OXR1: variants seen among roughly 807,000 people sequenced by gnomAD.
OXR1 encodes oxidation resistance 1.
Under a neutral mutation model 104.6 loss-of-function variants are expected in OXR1, and 41 were observed. The ratio of observed to expected loss-of-function variants is 0.39; its 90% CI spans 0.31 to 0.51. The LOEUF (loss-of-function observed/expected upper bound fraction) is 0.51. Ranked by LOEUF, OXR1 falls within the 20% of genes least tolerant of loss-of-function variation. The pLI, the probability that OXR1 is intolerant of heterozygous loss-of-function variation, is 0.77. For synonymous variants in OXR1, 348 were observed against 348.4 expected (o/e 1.00, Z 0.01); for missense variants, 955 against 1,031.9 (o/e 0.93, Z 1.02).
At chr8:106,548,030 T>G (rs1366235627) in intron 3 of OXR1, among the ~76,000 whole-genome samples, 1 of 152,174 alleles carries the variant, frequency 6.6e-6, no homozygotes, top group Non-Finnish European at 1.5e-5. Flanking sequence ...TATTTTTAAT[T>G]TTTTGAGGAG....
intron 2 of OXR1, among the ~76,000 whole-genome samples, chr8:106,425,875 G>C (rs1168934710): frequency 6.6e-6 from 1 of 152,168 alleles, no homozygotes; most frequent in East Asian, 1.9e-4. Context: ...GTTACTTTAG[G>C]AGGCTAGGGA....
chr8:106,438,121 A>G (rs1411114233), intron 2 of OXR1, among the ~76,000 whole-genome samples: 1 of 152,170 alleles, frequency 6.6e-6, no homozygotes, highest in Non-Finnish European at 1.5e-5. Flanking sequence ...TCACACGTAC[A>G]TTGTAATATG....
intron 16 of OXR1, among the ~76,000 whole-genome samples, chr8:106,749,864 A>G (rs1835729162): frequency 1.3e-5 from 2 of 152,120 alleles, no homozygotes; most frequent in Non-Finnish European, 2.9e-5. Flanking sequence ...TCGGTTATGT[A>G]TTAGATAATT....
intron 1 of OXR1, among the ~76,000 whole-genome samples, chr8:106,342,868 C>T (rs2130276265): frequency 6.6e-6 from 1 of 152,242 alleles, no homozygotes; most frequent in Non-Finnish European, 1.5e-5. Flanking sequence ...TGTAGTCCCT[C>T]ACCTTCCCTT....
intron 2 of OXR1, among the ~76,000 whole-genome samples, chr8:106,451,414 T>C (rs1820308486): frequency 6.6e-6 from 1 of 152,246 alleles, no homozygotes; most frequent in Non-Finnish European, 1.5e-5. Context: ...TAGTTTTCAT[T>C]CTTATACATG....
chr8:106,372,458 A>G (rs532711399), intron 2 of OXR1, among the ~76,000 whole-genome samples: 1 of 151,588 alleles, frequency 6.6e-6, no homozygotes, highest in African/African-American at 2.4e-5. Flanking sequence ...CTAGTCAGCC[A>G]TCTTGGCCTC....
chr8:106,623,822 G>C (rs1329058479), intron 3 of OXR1, among the ~76,000 whole-genome samples: 1 of 152,216 alleles, frequency 6.6e-6, no homozygotes, highest in Admixed American at 6.5e-5. Flanking sequence ...TTGAAAGGCT[G>C]TGTTGAATTT....
At chr8:106,368,900 A>C (rs7009590) in intron 2 of OXR1, among the ~76,000 whole-genome samples, 24,164 of 152,056 alleles carry the variant, frequency 0.16, 4,079 homozygotes, top group African/African-American at 0.43. Context: ...GATTTATATT[A>C]CTTTGGGTAT....
At position 106,710,626 on chromosome 8, in the gene OXR1, T is replaced by G; in HGVS notation, c.1629T>G (p.Ser543=). The change falls in exon 10 of 17, where the codon TCT becomes TCG. Residue 543 remains serine (S), a synonymous_variant. Coordinates refer to ENST00000517566, the MANE Select transcript of OXR1 (RefSeq NM_001198533.2). ...CTGTTTGCATCTCAATTCTAGGTTC[T>G]GCACTTTTAAAAGAAAAGCAAAGGC... ...ITSADGHIES[S]ALLKEKQRHR... is the part of the protein sequence containing the mutation. 6.3e-7 allele frequency: 1 copy of G among 1,585,016 alleles called. No individual in the cohort carries two copies. The highest frequency in any genetic ancestry group is 1.4e-5 in the African/African-American group (1 of 73,590).
At chr8:106,468,046 G>A (rs1263949582) in intron 2 of OXR1, among the ~76,000 whole-genome samples, 3 of 151,736 alleles carry the variant, frequency 2.0e-5, no homozygotes, top group East Asian at 1.9e-4. Flanking sequence ...AGTCTGTGGT[G>A]GTAATGATTA....
At chr8:106,653,948 A>C (rs1259544127) in intron 3 of OXR1, among the ~76,000 whole-genome samples, 1 of 152,054 alleles carries the variant, frequency 6.6e-6, no homozygotes, top group African/African-American at 2.4e-5. Context: ...TAGCAATGGC[A>C]ATCTAAAAAA....
At chr8:106,498,463 T>A (rs1010777550) in intron 2 of OXR1, among the ~76,000 whole-genome samples, 2 of 152,242 alleles carry the variant, frequency 1.3e-5, no homozygotes, top group African/African-American at 4.8e-5. Flanking sequence ...TGAGACAATT[T>A]GCAGCCCACA....
chr8:106,566,003 C>T (rs1447676171), intron 3 of OXR1, among the ~76,000 whole-genome samples: 1 of 152,132 alleles, frequency 6.6e-6, no homozygotes, highest in South Asian at 2.1e-4. Flanking sequence ...AAATGTCAGA[C>T]TCAAAACCAT....
chr8:106,696,722 G>A (rs915269357), intron 7 of OXR1, among the ~76,000 whole-genome samples: 4 of 151,894 alleles, frequency 2.6e-5, no homozygotes, highest in Admixed American at 6.6e-5. Flanking sequence ...TATATTAAGC[G>A]TCTTTTTTTT....
At chr8:106,322,212 G>A (rs192295461) in intron 1 of OXR1, among the ~76,000 whole-genome samples, 52 of 152,294 alleles carry the variant, frequency 3.4e-4, no homozygotes, top group Admixed American at 1.6e-3. Context: ...GATCAAGTTG[G>A]CTTCGTCCCT....
intron 3 of OXR1, among the ~76,000 whole-genome samples, chr8:106,578,661 G>C (rs554769062): frequency 6.6e-6 from 1 of 152,240 alleles, no homozygotes; most frequent in South Asian, 2.1e-4. Flanking sequence ...GTGACAGGAG[G>C]ACAAGAAGAA....
At chr8:106,311,984 C>T (rs776693858) in intron 1 of OXR1, among the ~76,000 whole-genome samples, 1 of 151,924 alleles carries the variant, frequency 6.6e-6, no homozygotes, top group South Asian at 2.1e-4. Context: ...CTTTTATATC[C>T]TCATCTTCAC....
intron 2 of OXR1, among the ~76,000 whole-genome samples, chr8:106,498,303 T>C (rs919625567): frequency 6.6e-6 from 1 of 152,236 alleles, no homozygotes; most frequent in Non-Finnish European, 1.5e-5. Flanking sequence ...AATCTATACA[T>C]GGAGTATTCC....
At chr8:106,387,727 A>G (rs1443728835) in intron 2 of OXR1, among the ~76,000 whole-genome samples, 1 of 152,168 alleles carries the variant, frequency 6.6e-6, no homozygotes, top group Non-Finnish European at 1.5e-5. Flanking sequence ...TCATTGGAGG[A>G]CACATGGTAT....
Sources: allele counts gnomAD v4.1 joint callset (sites outside exome capture counted in the v4.1 genomes callset), GRCh38; gene constraint gnomAD v4.1.1; transcripts MANE v1.5; gene names NCBI Gene and HGNC (gene_info 2026-07-23, HGNC 2026-07-21).